Variants in PHF8 observed in about 807,000 individuals in gnomAD.
PHF8 encodes histone lysine demethylase PHF8.
PHF8 carries 9 observed loss-of-function variants against 74.4 expected under a neutral mutation model. The ratio of observed to expected loss-of-function variants is 0.12; its 90% confidence interval spans 0.07 to 0.21. The LOEUF is 0.21. Among genes scored for constraint, PHF8 ranks in the 10% least tolerant of loss-of-function variants. The probability of loss-of-function intolerance (pLI) is 1.00; values close to 1 mark genes in which losing one functional copy is unlikely to be tolerated. For synonymous variants in PHF8, 311 were observed against 316.6 expected, an observed-to-expected ratio of 0.98 and a Z score of 0.19; for missense variants, 478 against 816.6, an observed-to-expected ratio of 0.59 and a Z score of 5.05.
intron 16 of PHF8, 67 bp from the exon 17 acceptor site, chrX:53,986,016 C>T (rs1464243336): frequency 7.9e-6 from 8 of 1,008,467 alleles, no homozygotes; most frequent in East Asian, 3.0e-5. Flanking sequence ...AGTACAGGGG[C>T]GATGATCTGA....
intron 4 of PHF8, among the ~76,000 whole-genome samples, chrX:54,019,787 C>CAAAAAAA (rs781792263): frequency 3.6e-5 from 1 of 27,719 alleles, no homozygotes; most frequent in Non-Finnish European, 6.7e-5. Context: ...GACACCGCCT[C>CAAAAAAA]AAAAAAAAAA....
intron 18 of PHF8, among the ~76,000 whole-genome samples, chrX:53,966,959 C>T (rs1369206952): frequency 9.1e-6 from 1 of 110,113 alleles, no homozygotes; most frequent in Non-Finnish European, 1.9e-5. Flanking sequence ...CTCTGCCCAG[C>T]CGCCCCATCT....
At chrX:53,982,535 C>A (rs1476057812) in intron 18 of PHF8, among the ~76,000 whole-genome samples, 1 of 112,471 alleles carries the variant, frequency 8.9e-6, no homozygotes, top group Non-Finnish European at 1.9e-5. Context: ...TCATAACAAC[C>A]TATGAGGTAG....
At chrX:54,009,844 G>GAAAAAAAA (rs782363250) in intron 8 of PHF8, among the ~76,000 whole-genome samples, 4 of 9,390 alleles carry the variant, frequency 4.3e-4, no homozygotes, top group African/African-American at 4.7e-4. Flanking sequence ...CTCTGTCTCA[G>GAAAAAAAA]AAAAAAAAAA....
chrX:54,006,815 G>A (rs1283946023), intron 8 of PHF8, among the ~76,000 whole-genome samples: 2 of 109,166 alleles, frequency 1.8e-5, no homozygotes, highest in African/African-American at 6.7e-5. Flanking sequence ...ACGGGTGCCT[G>A]TAATCCCAGC....
intron 4 of PHF8, 99 bp from the exon 5 acceptor site, chrX:54,017,920 G>A: frequency 1.3e-6 from 1 of 787,024 alleles, no homozygotes; most frequent in South Asian, 2.2e-5. Flanking sequence ...TTTTATGAGG[G>A]GACTTAATGT....
rs782459492 is a variant in PHF8, at chrX:53,938,257, G to A, written c.*901C>T. 12 of 1,032,095 alleles carry A rather than the reference G, an allele frequency of 1.2e-5. No homozygotes were observed. In the East Asian group the frequency reaches 3.3e-4, roughly 28 times the overall value. The allele number at this position is 1,032,095 out of a possible 1,213,427, so 85.1% of individuals were successfully genotyped here. A position where few individuals can be genotyped will look rare whatever the true frequency, so the allele number is the denominator to read the frequency against. On this transcript the variant is annotated 3_prime_UTR_variant, in exon 22 of 22. Transcript: ENST00000338154. ...GCAGGCTGTAGGGCCAGGGTTATCTGCGTCATTGGCAGGTGCTTTCAGGTT... is the reference window on the plus strand; with the variant it reads ...GCAGGCTGTAGGGCCAGGGTTATCTACGTCATTGGCAGGTGCTTTCAGGTT...
chrX:53,967,925 G>C (rs1353001943), intron 18 of PHF8, among the ~76,000 whole-genome samples: 3 of 109,683 alleles, frequency 2.7e-5, no homozygotes, highest in Admixed American at 1.9e-4. Flanking sequence ...CAGCATGCTC[G>C]TTAAGAGTCA....
At chrX:53,968,433 G>T (rs1046671136) in intron 18 of PHF8, among the ~76,000 whole-genome samples, 28 of 111,920 alleles carry the variant, frequency 2.5e-4, no homozygotes, top group African/African-American at 9.1e-4. Context: ...GCAGTAATAA[G>T]AAGTCTCCCA....
intron 18 of PHF8, among the ~76,000 whole-genome samples, chrX:53,978,739 A>C (rs782327065): frequency 9.5e-6 from 1 of 105,300 alleles, no homozygotes; most frequent in South Asian, 4.7e-4. Flanking sequence ...CAGAGGTTGC[A>C]GTGAGCCAAG....
Position 53,940,505 on chromosome X carries a change from C to A in PHF8, c.2661G>T (p.Lys887Asn). ...TCTTGATATATTTCTTCTTTTGGGC[C>A]TTCTGTAGCTCCTGAAACACAAGCC... is the stretch of plus-strand genomic sequence containing the variant. Reference protein sequence around the residue: ...AAKLAQQELQKAQKKKYIKKK... With the variant: ...AAKLAQQELQNAQKKKYIKKK... The change falls in exon 21 of 22, where the codon AAG becomes AAT. Residue 887 changes from lysine to asparagine, a missense_variant. Coordinates refer to ENST00000338154, the MANE Select transcript of PHF8 (RefSeq NM_015107.3). The A allele has an allele frequency of 8.4e-7, 1 of 1,193,632 alleles. No individual in the cohort carries two copies. The highest frequency in any genetic ancestry group is 1.1e-6 in the Non-Finnish European group (1 of 880,874).
chrX:53,972,068 T>C (rs1261397449), intron 18 of PHF8, among the ~76,000 whole-genome samples: 2 of 111,009 alleles, frequency 1.8e-5, no homozygotes, highest in Non-Finnish European at 3.8e-5. Context: ...CTCACGCCTG[T>C]AATCCCAGCA....
intron 8 of PHF8, among the ~76,000 whole-genome samples, chrX:54,003,993 G>A (rs1034362630): frequency 9.8e-5 from 11 of 111,828 alleles, no homozygotes; most frequent in Non-Finnish European, 2.1e-4. Context: ...AACTAGTGGT[G>A]AATACCCCTA....
intron 2 of PHF8, among the ~76,000 whole-genome samples, chrX:54,041,425 A>T (rs1004698480): frequency 2.8e-4 from 31 of 109,933 alleles, no homozygotes; most frequent in Non-Finnish European, 5.1e-4. Flanking sequence ...AAAAAGAAAA[A>T]GAAATAGCCC....
intron 10 of PHF8, among the ~76,000 whole-genome samples, chrX:54,000,162 T>C (rs1223967950): frequency 8.9e-6 from 1 of 112,390 alleles, no homozygotes; most frequent in African/African-American, 3.2e-5. Flanking sequence ...TTAACACTTA[T>C]ACCTATCCTG....
chrX:54,017,250 A>T (rs1557108453), intron 5 of PHF8, among the ~76,000 whole-genome samples: 1 of 112,786 alleles, frequency 8.9e-6, no homozygotes, highest in Non-Finnish European at 1.9e-5. Flanking sequence ...GTTGGAGATC[A>T]GCCTGGGCAA....
At chrX:53,983,639 C>G (rs1251372580) in intron 18 of PHF8, among the ~76,000 whole-genome samples, 1 of 111,593 alleles carries the variant, frequency 9.0e-6, no homozygotes, top group Non-Finnish European at 1.9e-5. Context: ...GTCTATCCCC[C>G]CTAGAAAAAT....
intron 19 of PHF8, among the ~76,000 whole-genome samples, chrX:53,957,339 G>A (rs1350236746): frequency 1.8e-5 from 2 of 108,692 alleles, no homozygotes; most frequent in African/African-American, 6.7e-5. Context: ...GTGACAGAAC[G>A]ACTCTGTCTC....
chrX:53,967,277 GCCCCCTGCCCGGCC>G, intron 18 of PHF8, among the ~76,000 whole-genome samples: 1 of 105,099 alleles, frequency 9.5e-6, no homozygotes, highest in South Asian at 3.9e-4. Flanking sequence ...GGGGGGGTCA[GCCCCCTGCCCGGCC>G]AGCCGCCCCG....
Sources: gnomAD v4.1 joint callset for allele counts (sites outside exome capture counted in the v4.1 genomes callset) on GRCh38, gnomAD v4.1.1 for gene constraint, MANE v1.5 for transcripts, NCBI Gene and HGNC (gene_info 2026-07-23, HGNC 2026-07-21) for gene names.